The following DDX10 variants were observed in gnomAD, a reference collection of about 807,000 sequenced individuals.
DDX10 encodes probable ATP-dependent RNA helicase DDX10.
In DDX10, 74 loss-of-function variants were observed where a neutral mutation model predicts 104.3. The ratio of observed to expected loss-of-function variants is 0.71; its 90% CI spans 0.59 to 0.86. The LOEUF is 0.86. DDX10 is among the 40% of genes least tolerant of loss of function. The pLI is 0.00. For missense variants in DDX10, 952 were observed against 1,040.0 expected, an observed-to-expected ratio of 0.92 and a Z score of 1.16; for synonymous variants, 351 against 353.4, an observed-to-expected ratio of 0.99 and a Z score of 0.08.
chr11:108,936,944 A>C lies in DDX10; in HGVS notation c.2451-3302A>C, dbSNP rs911974589. On this transcript the variant is annotated intron_variant, in intron 17 of 17. Coordinates refer to ENST00000322536, the MANE Select transcript of DDX10 (RefSeq NM_004398.4). The stretch of plus-strand genomic sequence containing the variant: ...GTTTACATTCTAATTGGGAGTTAAG[A>C]TGCATACAGTTGGAAAAGAAAATCA... Among the ~76,000 whole-genome samples, 3 of 152,242 alleles carry C rather than the reference A, an allele frequency of 2.0e-5. No individual in the cohort carries two copies. The East Asian group carries it at 5.8e-4, about 29-fold the overall frequency.
chr11:108,859,343 G>A (rs1335934536), intron 16 of DDX10, among the ~76,000 whole-genome samples: 1 of 152,146 alleles, frequency 6.6e-6, no homozygotes, highest in African/African-American at 2.4e-5. Context: ...GAGAATTAAT[G>A]TTTGGTGTTA....
chr11:108,896,510 A>G (rs1353631964), intron 16 of DDX10, among the ~76,000 whole-genome samples: 1 of 152,184 alleles, frequency 6.6e-6, no homozygotes, highest in Non-Finnish European at 1.5e-5. Context: ...CCTTTAGCTC[A>G]GGATGCTAAC....
chr11:108,785,468 T>C (rs1349348956), intron 13 of DDX10, among the ~76,000 whole-genome samples: 2 of 152,170 alleles, frequency 1.3e-5, no homozygotes, highest in African/African-American at 2.4e-5. Flanking sequence ...ATAGAATGAG[T>C]TAAGGAGAAG....
intron 17 of DDX10, among the ~76,000 whole-genome samples, chr11:108,938,420 C>A (rs1372953398): frequency 1.3e-5 from 2 of 152,194 alleles, no homozygotes; most frequent in Non-Finnish European, 2.9e-5. Context: ...AGACAGCCCA[C>A]TAATTAGGCC....
intron 13 of DDX10, among the ~76,000 whole-genome samples, chr11:108,754,051 A>G (rs1474827908): frequency 6.6e-6 from 1 of 152,024 alleles, no homozygotes; most frequent in Non-Finnish European, 1.5e-5. Flanking sequence ...CACCTCATTC[A>G]TTAAAGAATT....
rs1862803566 is a variant in DDX10, at chr11:108,852,214, G to A, written c.2304+5G>A. On this transcript the variant is annotated splice_donor_5th_base_variant and intron_variant, in intron 16 of 17. Coordinates refer to ENST00000322536, the MANE Select transcript of DDX10 (RefSeq NM_004398.4). ...GCCAACAAGAGACAAGCAAAGGTAA[G>A]GGTTTATATACATTTATTTTTCCAA... is the stretch of plus-strand genomic sequence containing the variant. The A allele has an allele frequency of 1.2e-6, 2 of 1,607,314 alleles. No individual in the cohort carries two copies. The highest frequency in any genetic ancestry group is 2.2e-5 in the East Asian group (1 of 44,716).
chr11:108,737,579 T>A (rs1385233695), intron 13 of DDX10, among the ~76,000 whole-genome samples: 1 of 152,222 alleles, frequency 6.6e-6, no homozygotes, highest in Non-Finnish European at 1.5e-5. Flanking sequence ...CTGGGCACTG[T>A]AAATGTCCCT....
intron 17 of DDX10, among the ~76,000 whole-genome samples, chr11:108,928,555 C>G (rs2134673542): frequency 6.6e-6 from 1 of 152,274 alleles, no homozygotes; most frequent in Non-Finnish European, 1.5e-5. Flanking sequence ...CAAAGGCAGG[C>G]TACTTGGCTT....
intron 1 of DDX10, among the ~76,000 whole-genome samples, chr11:108,672,062 GAAAAAAAAA>G (rs55845865): frequency 2.9e-5 from 2 of 68,644 alleles, no homozygotes; most frequent in African/African-American, 5.6e-5. Flanking sequence ...CTCCATCTCG[GAAAAAAAAA>G]AAAAAAAAAA....
At chr11:108,832,085 AC>A (rs1170992278) in intron 13 of DDX10, among the ~76,000 whole-genome samples, 3 of 152,136 alleles carry the variant, frequency 2.0e-5, no homozygotes, top group Non-Finnish European at 4.4e-5. Context: ...TCATTCTTGT[AC>A]CAATAATACA....
At chr11:108,751,109 T>C (rs1276939290) in intron 13 of DDX10, among the ~76,000 whole-genome samples, 1 of 151,832 alleles carries the variant, frequency 6.6e-6, no homozygotes, top group Non-Finnish European at 1.5e-5. Context: ...TTCCATAAAA[T>C]AGAGTACTTT....
chr11:108,670,098 CTT>C (rs1311295494), intron 1 of DDX10, among the ~76,000 whole-genome samples: 5 of 152,174 alleles, frequency 3.3e-5, no homozygotes, highest in East Asian at 3.8e-4. Context: ...TGCTCAAAGA[CTT>C]TATCTGGAAG....
intron 13 of DDX10, among the ~76,000 whole-genome samples, chr11:108,772,864 C>T (rs2094365059): frequency 6.6e-6 from 1 of 152,188 alleles, no homozygotes; most frequent in African/African-American, 2.4e-5. Flanking sequence ...TTGTCTTCCA[C>T]AAGAATAGTC....
chr11:108,767,328 G>T (rs952879188), intron 13 of DDX10: 1 of 152,196 alleles, frequency 6.6e-6, no homozygotes, highest in Non-Finnish European at 1.5e-5. Context: ...ATGTTCCTCT[G>T]GGACCAAACA....
intron 13 of DDX10, among the ~76,000 whole-genome samples, chr11:108,726,869 A>G (rs1316865703): frequency 6.6e-6 from 1 of 151,966 alleles, no homozygotes; most frequent in Non-Finnish European, 1.5e-5. Flanking sequence ...ATCTATTCCT[A>G]GCTGGCTTAG....
intron 9 of DDX10, among the ~76,000 whole-genome samples, chr11:108,694,772 T>C (rs558704053): frequency 6.6e-6 from 1 of 152,166 alleles, no homozygotes; most frequent in South Asian, 2.1e-4. Flanking sequence ...TCTCAGCTCC[T>C]TGGGAGGCTG....
At chr11:108,677,063 A>G (rs1238558445) in intron 3 of DDX10, 22 bp from the exon 4 acceptor site, 5 of 1,587,748 alleles carry the variant, frequency 3.1e-6, no homozygotes, top group South Asian at 2.3e-5. Flanking sequence ...CTTACTGAAC[A>G]TGAATTTGCT....
intron 12 of DDX10, 107 bp from the exon 13 acceptor site, chr11:108,722,890 C>T (rs2094300031): frequency 6.9e-7 from 1 of 1,439,576 alleles, no homozygotes; most frequent in Admixed American, 2.9e-5. Context: ...GGAACATTTT[C>T]TTTAAAAAAG....
At chr11:108,727,982 T>G (rs899348903) in intron 13 of DDX10, among the ~76,000 whole-genome samples, 6 of 151,874 alleles carry the variant, frequency 4.0e-5, no homozygotes, top group Non-Finnish European at 7.4e-5. Flanking sequence ...ATGATCCTTA[T>G]GGGTACATTT....
Sources: gnomAD v4.1 joint callset for allele counts (sites outside exome capture counted in the v4.1 genomes callset) on GRCh38, gnomAD v4.1.1 for gene constraint, MANE v1.5 for transcripts, NCBI Gene and HGNC (gene_info 2026-07-23, HGNC 2026-07-21) for gene names.